Variants in REC114 observed in about 807,000 individuals in gnomAD.
The protein encoded by REC114 is REC114 meiotic recombination protein.
In REC114, 27 loss-of-function variants were observed where a neutral mutation model predicts 31.3. That is an observed-to-expected ratio of 0.86 (90% CI 0.64 to 1.19). The LOEUF (loss-of-function observed/expected upper bound fraction) is 1.19. Ranked by LOEUF, REC114 falls within the 50% of genes most tolerant of loss-of-function variation. The pLI, the probability that REC114 is intolerant of heterozygous loss-of-function variation, is 0.00. For missense variants in REC114, 344 were observed against 326.9 expected, an observed-to-expected ratio of 1.05 and a Z score of -0.40; for synonymous variants, 134 against 127.7, an observed-to-expected ratio of 1.05 and a Z score of -0.33.
At chr15:73,457,460 G>T (rs1054465884) in intron 1 of REC114, among the ~76,000 whole-genome samples, 2 of 152,136 alleles carry the variant, frequency 1.3e-5, no homozygotes, top group Non-Finnish European at 2.9e-5. Flanking sequence ...AACTGTAGCT[G>T]CACTGACCTC....
chr15:73,519,298 A>G (rs534050568), intron 2 of REC114, among the ~76,000 whole-genome samples: 17 of 152,258 alleles, frequency 1.1e-4, no homozygotes, highest in African/African-American at 3.9e-4. Context: ...CCCTTCCACC[A>G]TGTAAGGACA....
Position 73,452,517 on chromosome 15 carries a change from C to G in REC114, c.159+9173C>G, listed in dbSNP as rs148298781. ...AACAAATGGGAAAACATTCCATGCT[C>G]ATGGATAGGCAGAATCAATATCATG... On this transcript the variant is annotated intron_variant, in intron 1 of 5. Transcript: ENST00000331090. 1.5e-3 allele frequency among the ~76,000 whole-genome samples: 224 copies of G among 152,332 alleles called. 2 individuals are homozygous for G. In the East Asian group the frequency reaches 0.036, roughly 24 times the overall value.
chr15:73,504,160 C>T (rs974167669), intron 2 of REC114, among the ~76,000 whole-genome samples: 4 of 151,896 alleles, frequency 2.6e-5, no homozygotes, highest in Admixed American at 1.3e-4. Context: ...GCACGCACCA[C>T]CATGCCCAGC....
At chr15:73,501,637 G>A (rs1485664182) in intron 2 of REC114, among the ~76,000 whole-genome samples, 4 of 152,104 alleles carry the variant, frequency 2.6e-5, no homozygotes, top group African/African-American at 7.2e-5. Context: ...TAGAGCTGGG[G>A]TTTCGTCATG....
chr15:73,549,240 C>T (rs994287563), intron 3 of REC114, among the ~76,000 whole-genome samples: 3 of 152,080 alleles, frequency 2.0e-5, no homozygotes, highest in Non-Finnish European at 2.9e-5. Context: ...GGGGTCATTA[C>T]GTTAAGTGAA....
chr15:73,499,453 C>T (rs1181053577), intron 2 of REC114, among the ~76,000 whole-genome samples: 2 of 151,916 alleles, frequency 1.3e-5, no homozygotes, highest in African/African-American at 2.4e-5. Context: ...GGGTAGTTTT[C>T]GACAAATCAT....
At chr15:73,447,488 G>T (rs1264314891) in intron 1 of REC114, among the ~76,000 whole-genome samples, 1 of 151,952 alleles carries the variant, frequency 6.6e-6, no homozygotes, top group Non-Finnish European at 1.5e-5. Flanking sequence ...TGGATCACTT[G>T]AGGTCAGAAG....
At chr15:73,468,605 G>T (rs750688801) in intron 1 of REC114, among the ~76,000 whole-genome samples, 4 of 151,492 alleles carry the variant, frequency 2.6e-5, no homozygotes, top group Non-Finnish European at 5.9e-5. Flanking sequence ...ATGTTGAATA[G>T]AAGTGGTGAA....
At chr15:73,556,819 A>C (rs2141339182) in intron 5 of REC114, among the ~76,000 whole-genome samples, 1 of 152,238 alleles carries the variant, frequency 6.6e-6, no homozygotes, top group South Asian at 2.1e-4. Flanking sequence ...GATTGTTAGT[A>C]CTCAGCTAAG....
intron 2 of REC114, among the ~76,000 whole-genome samples, chr15:73,514,415 A>C (rs1356812191): frequency 6.6e-6 from 1 of 151,638 alleles, no homozygotes. Context: ...TGCGTCGCTC[A>C]CGCTGGGAGC....
intron 2 of REC114, among the ~76,000 whole-genome samples, chr15:73,511,260 G>GTT (rs1424985911): frequency 2.6e-5 from 4 of 152,108 alleles, no homozygotes; most frequent in Non-Finnish European, 5.9e-5. Flanking sequence ...TCTGATGGTA[G>GTT]TTTGTATTTC....
intron 2 of REC114, among the ~76,000 whole-genome samples, chr15:73,476,544 C>G (rs1035723360): frequency 6.6e-6 from 1 of 152,116 alleles, no homozygotes; most frequent in Non-Finnish European, 1.5e-5. Context: ...AGTATATATA[C>G]ATTGTAAAAT....
intron 4 of REC114, among the ~76,000 whole-genome samples, chr15:73,554,997 TTA>T (rs1480673713): frequency 6.6e-6 from 1 of 152,224 alleles, no homozygotes; most frequent in Non-Finnish European, 1.5e-5. Context: ...GGACTATTGA[TTA>T]TAGAGTCCTT....
chr15:73,513,835 C>G (rs1198813276), intron 2 of REC114, among the ~76,000 whole-genome samples: 1 of 151,602 alleles, frequency 6.6e-6, no homozygotes, highest in African/African-American at 2.4e-5. Flanking sequence ...GGGAGAACCA[C>G]TGCTCTCTTC....
chr15:73,487,908 C>G (rs1595867770), intron 2 of REC114, among the ~76,000 whole-genome samples: 1 of 152,314 alleles, frequency 6.6e-6, no homozygotes, highest in East Asian at 1.9e-4. Context: ...TCTGAGCCAT[C>G]CTTTGATTCT....
intron 2 of REC114, among the ~76,000 whole-genome samples, chr15:73,520,529 A>G (rs997854223): frequency 7.9e-5 from 12 of 152,070 alleles, no homozygotes; most frequent in East Asian, 7.7e-4. Context: ...TGCCTGGCCT[A>G]TTGTATTTCT....
At chr15:73,512,178 G>A (rs1469008887) in intron 2 of REC114, among the ~76,000 whole-genome samples, 3 of 132,504 alleles carry the variant, frequency 2.3e-5, no homozygotes, top group South Asian at 4.7e-4. Flanking sequence ...TTGTTGAATT[G>A]ATCTCTTTAC....
At chr15:73,476,702 G>A (rs1893219878) in intron 2 of REC114, among the ~76,000 whole-genome samples, 1 of 152,160 alleles carries the variant, frequency 6.6e-6, no homozygotes, top group South Asian at 2.1e-4. Flanking sequence ...GTTGTTCCAT[G>A]TTATCAGTAG....
rs1026068674 is a variant in REC114 at position 73,443,280 on chromosome 15, C to G, written c.95C>G (p.Ser32Ter). Residue 32 changes from serine to a stop codon, truncating the protein, a stop_gained, in exon 1 of 6, where the codon TCA becomes TGA. Coordinates refer to ENST00000331090, the MANE Select transcript of REC114 (RefSeq NM_001042367.2). LOFTEE classifies it high-confidence loss of function. ...CAGCGGTACGCCCGCTGCATACCCTCAAACACCAGAGACCCACCTGGGCCA... is the reference window on the plus strand; with the variant it reads ...CAGCGGTACGCCCGCTGCATACCCTGAAACACCAGAGACCCACCTGGGCCA... ...PLQRYARCIPSNTRDPPGPCL... is the reference protein window; with the variant it reads ...PLQRYARCIP 58 of 1,581,598 alleles carry G rather than the reference C, an allele frequency of 3.7e-5. No individual in the cohort carries two copies. The highest frequency in any genetic ancestry group is 4.6e-5 in the Non-Finnish European group (54 of 1,164,958).
Sources: allele counts gnomAD v4.1 joint callset (sites outside exome capture counted in the v4.1 genomes callset), GRCh38; gene constraint gnomAD v4.1.1; transcripts MANE v1.5; gene names NCBI Gene and HGNC (gene_info 2026-07-23, HGNC 2026-07-21).